Variants in MAP4K1 observed in about 807,000 individuals in gnomAD.
MAP4K1 encodes mitogen-activated protein kinase kinase kinase kinase 1, also known as MAPK/ERK kinase kinase kinase 1.
Under a neutral mutation model 122.8 loss-of-function variants are expected in MAP4K1, and 35 were observed. The observed-to-expected ratio is 0.29, with a 90% CI of 0.22 to 0.38. The LOEUF is 0.38. MAP4K1 is among the 10% of genes least tolerant of loss of function. The pLI is 1.00. For missense variants in MAP4K1, 791 were observed against 1,072.6 expected (o/e 0.74, Z 3.67); for synonymous variants, 412 against 421.3 (o/e 0.98, Z 0.27).
rs1163055879 is a variant in MAP4K1 at position 38,590,394 on chromosome 19, AATATATATATATATATATAT to A, written c.2397-2597_2397-2578del. ...ACCAGAAAAAAAAAAAAAAAAAAAA[AATATATATATATATATATAT>A]ATATATATATATATATATATATAAT... On this transcript the variant is annotated intron_variant, in intron 30 of 30. Coordinates refer to ENST00000396857, the MANE Select transcript of MAP4K1 (RefSeq NM_001042600.3). 8.7e-4 allele frequency among the ~76,000 whole-genome samples: 15 copies of A among 17,308 alleles called. 1 individual carries two copies. Among genetic ancestry groups the A allele is most frequent in the African/African-American group, 3.1e-3 (15 of 4,908 alleles). 11.4% of individuals were successfully genotyped at this position (17,308 alleles called of 152,430 possible).
chr19:38,590,387 AAAAAAAAATATATATATAT>A (rs1382426578), intron 30 of MAP4K1, among the ~76,000 whole-genome samples: 43 of 70,760 alleles, frequency 6.1e-4, no homozygotes, highest in African/African-American at 1.8e-3. Context: ...AAAAAAAAAA[AAAAAAAAATATATATATAT>A]ATATATATAT....
At position 38,614,285 on chromosome 19, in the gene MAP4K1, G is replaced by A; in HGVS notation, c.377C>T (p.Ala126Val). The part of the protein sequence containing the change: ...YVCREVLQGL[A>V]YLHSQKKIHR... ...TATCTTCTTCTGTGAGTGCAAATAG[G>A]CCAGTCCCTGGGGAGAAGGGTGGAC... is the stretch of plus-strand genomic sequence containing the variant. The change falls in exon 6 of 31, where the codon GCC becomes GTC. Residue 126 changes from alanine (A) to valine (V), a missense_variant. Transcript: ENST00000396857. 1 of 1,614,174 alleles carries A rather than the reference G, an allele frequency of 6.2e-7. No homozygotes were observed. Among genetic ancestry groups the A allele is most frequent in the Non-Finnish European group, 8.5e-7 (1 of 1,180,010 alleles).
At chr19:38,610,986 T>C in intron 11 of MAP4K1, 65 bp downstream of exon 11, 1 of 1,382,874 alleles carries the variant, frequency 7.2e-7, no homozygotes, top group Non-Finnish European at 1.0e-6. Flanking sequence ...GTTATCCATG[T>C]CCTCGGGAGT....
Position 38,609,966 on chromosome 19 carries a change from T to C in MAP4K1, c.870A>G (p.Lys290=). 1 of 1,614,132 alleles carries C rather than the reference T, an allele frequency of 6.2e-7. No homozygotes were observed. The highest frequency in any genetic ancestry group is 8.5e-7 in the Non-Finnish European group (1 of 1,180,020). The change falls in exon 12 of 31, where the codon AAA becomes AAG. Residue 290 remains lysine (K), a synonymous_variant. Transcript: ENST00000396857. Reference sequence around the variant, plus strand: ...AGGGTCCTTTCCCGGGATTCTTCAGTTTGTCAAGAAGATCCAGGATCAGGC... The same window carrying C: ...AGGGTCCTTTCCCGGGATTCTTCAGCTTGTCAAGAAGATCCAGGATCAGGC... ...NRGLILDLLD[K]LKNPGKGPSI... is the part of the protein sequence containing the mutation.
chr19:38,607,475 G>C (rs182122209), intron 16 of MAP4K1, among the ~76,000 whole-genome samples: 186 of 149,806 alleles, frequency 1.2e-3, no homozygotes, highest in African/African-American at 4.4e-3. Flanking sequence ...CAGGAGAATC[G>C]CTTGAACCCG....
At chr19:38,588,388 C>G (rs2145924572) in intron 30 of MAP4K1, among the ~76,000 whole-genome samples, 1 of 152,156 alleles carries the variant, frequency 6.6e-6, no homozygotes, top group Non-Finnish European at 1.5e-5. Flanking sequence ...ACCATTTGTG[C>G]CTCAAAATAA....
At chr19:38,616,839 G>A (rs1481973836) in intron 3 of MAP4K1, among the ~76,000 whole-genome samples, 1 of 152,086 alleles carries the variant, frequency 6.6e-6, no homozygotes, top group African/African-American at 2.4e-5. Flanking sequence ...AGGCTGCTCT[G>A]GTCAGAAAAG....
Position 38,611,262 on chromosome 19 carries a change from G to A in MAP4K1, c.709C>T (p.Leu237=), listed in dbSNP as rs368831252. The change falls in exon 10 of 31, where the codon CTG becomes TTG. Residue 237 remains leucine, a synonymous_variant. Coordinates refer to ENST00000396857, the MANE Select transcript of MAP4K1 (RefSeq NM_001042600.3). ...MTKSGYQPPR[L]KEKGKWSAAF... is the part of the protein sequence containing the mutation. ...TCGTACCATTTGCCTTTTTCCTTCAGTCGGGGAGGCTGGTAGCCACTCTTG... is the reference window on the plus strand; with the variant it reads ...TCGTACCATTTGCCTTTTTCCTTCAATCGGGGAGGCTGGTAGCCACTCTTG... The A allele has an allele frequency of 5.0e-6, 8 of 1,613,668 alleles. No homozygotes were observed. The highest frequency in any genetic ancestry group is 6.8e-6 in the Non-Finnish European group (8 of 1,179,670).
intron 22 of MAP4K1, among the ~76,000 whole-genome samples, chr19:38,598,829 T>C (rs913172400): frequency 3.3e-5 from 5 of 150,844 alleles, no homozygotes; most frequent in Non-Finnish European, 7.4e-5. Context: ...CTGGCCAACA[T>C]GGCGAAACCC....
intron 13 of MAP4K1, among the ~76,000 whole-genome samples, chr19:38,609,296 G>A (rs981650807): frequency 3.3e-5 from 5 of 152,064 alleles, no homozygotes; most frequent in Non-Finnish European, 4.4e-5. Context: ...TACCACACCC[G>A]GCTAATTTTT....
At chr19:38,595,350 A>G in intron 29 of MAP4K1, 135 bp downstream of exon 29, 3 of 645,366 alleles carry the variant, frequency 4.6e-6, no homozygotes, top group Non-Finnish European at 8.0e-6. Flanking sequence ...AAGGGGATCT[A>G]TCTGAACTGA....
chr19:38,607,097 G>A (rs1975350957), intron 16 of MAP4K1, among the ~76,000 whole-genome samples: 1 of 152,068 alleles, frequency 6.6e-6, no homozygotes, highest in African/African-American at 2.4e-5. Flanking sequence ...AGTGACATTC[G>A]GGAGGAGTTT....
At chr19:38,589,761 G>C (rs543518938) in intron 30 of MAP4K1, among the ~76,000 whole-genome samples, 211 of 152,254 alleles carry the variant, frequency 1.4e-3, no homozygotes, top group Middle Eastern at 3.4e-3. Context: ...TGGGTGCGGT[G>C]ACCCCTGCCT....
chr19:38,600,586 A>G (rs923080895), intron 20 of MAP4K1, among the ~76,000 whole-genome samples: 1 of 151,844 alleles, frequency 6.6e-6, no homozygotes, highest in African/African-American at 2.4e-5. Context: ...CCTTGTCTTC[A>G]TCTCTTTGAT....
intron 29 of MAP4K1, among the ~76,000 whole-genome samples, chr19:38,594,073 T>C (rs1412978425): frequency 6.6e-6 from 1 of 152,010 alleles, no homozygotes; most frequent in Admixed American, 6.6e-5. Flanking sequence ...GTCTTAACTA[T>C]CCATATATCT....
rs767972679 is a variant in MAP4K1 at position 38,603,383 on chromosome 19, CAT to C, written c.1447-1860_1447-1859del. Among the ~76,000 whole-genome samples, 165 of 150,644 alleles carry C rather than the reference CAT, an allele frequency of 1.1e-3. 1 individual carries two copies. Among genetic ancestry groups the C allele is most frequent in the Non-Finnish European group, 1.9e-3 (126 of 67,762 alleles). On this transcript the variant is annotated intron_variant, in intron 19 of 30. Transcript: ENST00000396857. ...ATATACACACATATACATATATACACATGTACATATATATGCATATACATATA... is the reference window on the plus strand; with the variant it reads ...ATATACACACATATACATATATACACGTACATATATATGCATATACATATA...
At chr19:38,605,988 G>A (rs996398511) in intron 17 of MAP4K1, among the ~76,000 whole-genome samples, 185 bp downstream of exon 17, 8 of 152,196 alleles carry the variant, frequency 5.3e-5, no homozygotes, top group Non-Finnish European at 1.2e-4. Flanking sequence ...TGTCTAAGAG[G>A]CTAAATATTT....
intron 9 of MAP4K1, 149 bp downstream of exon 9, chr19:38,612,462 T>A (rs1316667625): frequency 9.0e-6 from 4 of 443,428 alleles, no homozygotes; most frequent in Non-Finnish European, 1.4e-5. Flanking sequence ...AAATTAAATT[T>A]AAAAAATAGA....
At chr19:38,615,440 G>C (rs1448967276) in intron 4 of MAP4K1, among the ~76,000 whole-genome samples, 1 of 151,898 alleles carries the variant, frequency 6.6e-6, no homozygotes, top group Admixed American at 6.6e-5. Context: ...CATACAAAAG[G>C]AACAGGATTG....
Sources: allele counts gnomAD v4.1 joint callset (sites outside exome capture counted in the v4.1 genomes callset), GRCh38; gene constraint gnomAD v4.1.1; transcripts MANE v1.5; gene names NCBI Gene and HGNC (gene_info 2026-07-23, HGNC 2026-07-21).